CTNNA1: variants seen among roughly 807,000 people sequenced by gnomAD.
CTNNA1 encodes catenin alpha-1.
Under a neutral mutation model 98.4 loss-of-function variants are expected in CTNNA1, and 37 were observed. That is an observed-to-expected ratio of 0.38 (90% confidence interval 0.29 to 0.49). The LOEUF (loss-of-function observed/expected upper bound fraction) is 0.49. Ranked by LOEUF, CTNNA1 falls within the 20% of genes least tolerant of loss-of-function variation. CTNNA1 has a pLI of 0.95. For synonymous variants in CTNNA1, 404 were observed against 413.2 expected, an observed-to-expected ratio of 0.98 and a Z score of 0.27; for missense variants, 761 against 1,147.2, an observed-to-expected ratio of 0.66 and a Z score of 4.86.
At chr5:138,785,064 A>T (rs977919008) in intron 3 of CTNNA1, among the ~76,000 whole-genome samples, 24 of 140,476 alleles carry the variant, frequency 1.7e-4, no homozygotes, top group South Asian at 6.7e-4. Context: ...TAATTAATTA[A>T]TTTTTTTTTT....
intron 3 of CTNNA1, among the ~76,000 whole-genome samples, chr5:138,802,270 A>G (rs1199962831): frequency 6.6e-6 from 1 of 152,224 alleles, no homozygotes; most frequent in Non-Finnish European, 1.5e-5. Context: ...AGTTGACTAT[A>G]TCATATCCCT....
intron 7 of CTNNA1, among the ~76,000 whole-genome samples, chr5:138,849,477 A>G (rs1295912801): frequency 2.6e-5 from 4 of 152,226 alleles, no homozygotes; most frequent in Non-Finnish European, 5.9e-5. Context: ...TGTGAGGTCT[A>G]GAAGTTCTCT....
chr5:138,881,165 C>G (rs1752825512), intron 7 of CTNNA1: 1 of 453,928 alleles, frequency 2.2e-6, no homozygotes, highest in Admixed American at 2.4e-5. Context: ...GAGAGCTCGT[C>G]TTGATGCTTG....
In CTNNA1 at chr5:138,874,922, A is replaced by G. The variant is rs1478290361; in HGVS notation, c.1063-11290A>G. On this transcript the variant is annotated intron_variant, in intron 7 of 17. Transcript: ENST00000302763. This position sits in a 1 kb window ranked among gnomAD's most constrained non-coding sequence, Gnocchi z 4.1. ...CACAGACTTACCCATTCTTCTGAGC[A>G]CATTGGAGGCTGCATTCAGTCGCGG... 5 of 1,613,632 alleles carry G rather than the reference A, an allele frequency of 3.1e-6. No individual in the cohort carries two copies. Among genetic ancestry groups the G allele is most frequent in the South Asian group, 1.1e-5 (1 of 91,086 alleles).
At chr5:138,930,676 C>T (rs758480754) in intron 15 of CTNNA1, 22 bp downstream of exon 15, 1 of 1,603,056 alleles carries the variant, frequency 6.2e-7, no homozygotes, top group African/African-American at 1.3e-5. Flanking sequence ...CCCGGCCCCA[C>T]CAGGCTGCAC....
In CTNNA1 at chr5:138,812,252, C is replaced by T. The variant is rs750396607; in HGVS notation, c.538C>T (p.Leu180=). The change falls in exon 5 of 18, where the codon CTA becomes TTA. Residue 180 remains leucine, a synonymous_variant. Transcript: ENST00000302763. ...EQDLGIQYKA[L]KPEVDKLNIM... is the part of the protein sequence containing the mutation. ...AGACTTAGGAATCCAGTATAAAGCC[C>T]TAAAACCTGAAGTGGATAAGCTGAA... 6.2e-7 allele frequency: 1 copy of T among 1,613,864 alleles called. No homozygotes were observed. Among genetic ancestry groups the T allele is most frequent in the South Asian group, 1.1e-5 (1 of 91,040 alleles).
chr5:138,902,486 C>A (rs990932220), intron 9 of CTNNA1, among the ~76,000 whole-genome samples: 26 of 152,226 alleles, frequency 1.7e-4, no homozygotes, highest in Admixed American at 3.9e-4. Context: ...GTGGCGTGAT[C>A]TCGGCTCACT....
intron 6 of CTNNA1, among the ~76,000 whole-genome samples, chr5:138,825,114 T>C (rs531135612): frequency 6.6e-6 from 1 of 152,152 alleles, no homozygotes; most frequent in Admixed American, 6.5e-5. Flanking sequence ...CTGGCAGATG[T>C]GAAGCTATGG....
intron 5 of CTNNA1, among the ~76,000 whole-genome samples, chr5:138,819,066 G>A (rs967930308): frequency 9.1e-5 from 7 of 76,860 alleles, no homozygotes; most frequent in Admixed American, 3.1e-4. Flanking sequence ...CAGCATTGGC[G>A]TGATTGGGAA....
chr5:138,810,258 T>C lies in CTNNA1; in HGVS notation c.468+54T>C, dbSNP rs1758542869. The stretch of plus-strand genomic sequence containing the variant: ...TGTTCTATCACAGGAAGATTGCTAC[T>C]GGCCTTCCTTAGTTCAGTATTCCTT... On this transcript the variant is annotated intron_variant, in intron 4 of 17. Transcript: ENST00000302763. 6 of 1,569,658 alleles carry C rather than the reference T, an allele frequency of 3.8e-6. No individual in the cohort carries two copies. In the East Asian group the frequency reaches 1.4e-4, roughly 36 times the overall value.
chr5:138,920,517 GCCCA>G (rs1450968493), intron 11 of CTNNA1, among the ~76,000 whole-genome samples: 16 of 152,340 alleles, frequency 1.1e-4, no homozygotes, highest in African/African-American at 3.8e-4. Flanking sequence ...CCTGGCAAGT[GCCCA>G]GCACAGGATC....
chr5:138,895,374 G>T (rs1756550649), intron 9 of CTNNA1, among the ~76,000 whole-genome samples: 1 of 152,172 alleles, frequency 6.6e-6, no homozygotes, highest in Non-Finnish European at 1.5e-5. Context: ...GCGTTGTAAT[G>T]CATCTTGCAT....
chr5:138,918,074 C>A (rs1207859466), intron 11 of CTNNA1, among the ~76,000 whole-genome samples, 176 bp downstream of exon 11: 3 of 152,150 alleles, frequency 2.0e-5, no homozygotes, highest in Non-Finnish European at 2.9e-5. Context: ...TTTCAAGTGA[C>A]AGCTTCTCAG....
intron 3 of CTNNA1, among the ~76,000 whole-genome samples, chr5:138,787,450 A>G (rs1293808488): frequency 6.6e-6 from 1 of 152,168 alleles, no homozygotes; most frequent in Non-Finnish European, 1.5e-5. Flanking sequence ...TGAAACTATT[A>G]ATATTCAGCT....
At chr5:138,769,596 G>A (rs1475609591) in intron 1 of CTNNA1, among the ~76,000 whole-genome samples, 4 of 151,860 alleles carry the variant, frequency 2.6e-5, no homozygotes, top group Non-Finnish European at 5.9e-5. Context: ...GCAATGGTGC[G>A]ATCTTGGCTC....
chr5:138,843,009 A>G (rs1327458478), intron 7 of CTNNA1, among the ~76,000 whole-genome samples: 1 of 152,220 alleles, frequency 6.6e-6, no homozygotes, highest in Non-Finnish European at 1.5e-5. Flanking sequence ...TTTGGGGGTT[A>G]TGTTAATAAA....
At chr5:138,886,422 A>G (rs1371000984) in intron 8 of CTNNA1, 130 bp downstream of exon 8, 6 of 990,396 alleles carry the variant, frequency 6.1e-6, no homozygotes, top group South Asian at 5.3e-5. Context: ...GAAAGTGCCT[A>G]TCTTTGTTTT....
chr5:138,779,722 T>G (rs1240346695), intron 1 of CTNNA1, among the ~76,000 whole-genome samples: 5 of 22,078 alleles, frequency 2.3e-4, no homozygotes, highest in African/African-American at 4.2e-4. Context: ...TTTTTGTTTT[T>G]GTTTTTTTTT....
intron 1 of CTNNA1, among the ~76,000 whole-genome samples, chr5:138,759,413 C>A (rs569768623): frequency 6.6e-6 from 1 of 152,220 alleles, no homozygotes. Flanking sequence ...TTATCTCCCC[C>A]GCACCCTCAT....
Sources: allele counts gnomAD v4.1 joint callset (sites outside exome capture counted in the v4.1 genomes callset), GRCh38; gene constraint gnomAD v4.1.1; non-coding constraint Gnocchi (gnomAD v3.1); transcripts MANE v1.5; gene names NCBI Gene and HGNC (gene_info 2026-07-23, HGNC 2026-07-21).